SLC24A2: variants seen among roughly 807,000 people sequenced by gnomAD.
The protein encoded by SLC24A2 is solute carrier family 24 member 2, also known as sodium/potassium/calcium exchanger 2.
In SLC24A2, 36 loss-of-function variants were observed where a neutral mutation model predicts 62.0. The observed-to-expected ratio is 0.58, with a 90% CI of 0.44 to 0.77. The LOEUF (loss-of-function observed/expected upper bound fraction) is 0.77, where lower values mean the gene tolerates loss of function less well. Ranked by LOEUF, SLC24A2 falls within the 30% of genes least tolerant of loss-of-function variation. The pLI, the probability that SLC24A2 is intolerant of heterozygous loss-of-function variation, is 0.00. For missense variants in SLC24A2, 846 were observed against 817.9 expected, an observed-to-expected ratio of 1.03 and a Z score of -0.42; for synonymous variants, 358 against 294.0, an observed-to-expected ratio of 1.22 and a Z score of -2.23.
At chr9:20,005,532 T>G in the SLC24A2 span, among the ~76,000 whole-genome samples, 6 of 151,946 alleles carry the variant, frequency 3.9e-5, no homozygotes, top group African/African-American at 1.4e-4. Context: ...GTTACTACAT[T>G]GCTGAGCAAA....
the SLC24A2 span, among the ~76,000 whole-genome samples, chr9:19,938,788 G>GA: frequency 6.6e-6 from 1 of 152,060 alleles, no homozygotes; most frequent in Non-Finnish European, 1.5e-5. Flanking sequence ...CAAGTTTCCA[G>GA]AAAAAAAGTT....
At chr9:19,548,346 G>C (rs1834683226) in intron 8 of SLC24A2, among the ~76,000 whole-genome samples, 2 of 152,108 alleles carry the variant, frequency 1.3e-5, no homozygotes, top group Admixed American at 6.5e-5. Flanking sequence ...ACATAGACCT[G>C]GGTCTGGATC....
the SLC24A2 span, among the ~76,000 whole-genome samples, chr9:20,176,781 T>C: frequency 2.6e-5 from 4 of 152,124 alleles, no homozygotes; most frequent in African/African-American, 9.7e-5. Context: ...TGTATTGAAA[T>C]GTAAAGATAC....
At chr9:20,189,648 A>C in the SLC24A2 span, among the ~76,000 whole-genome samples, 1 of 152,204 alleles carries the variant, frequency 6.6e-6, no homozygotes, top group Non-Finnish European at 1.5e-5. Context: ...TTTGAATTTC[A>C]CATGGCATGA....
chr9:19,715,653 G>A lies in SLC24A2; in HGVS notation c.930+70284C>T, dbSNP rs75725088. Among the ~76,000 whole-genome samples the A allele has an allele frequency of 4.3e-3, 656 of 152,270 alleles. 4 individuals are homozygous for A. The highest frequency in any genetic ancestry group is 0.015 in the African/African-American group (627 of 41,554). On this transcript the variant is annotated intron_variant, in intron 2 of 10. Transcript: ENST00000341998. ...CCCAGGTACAGTCCACAAATAAGCTGGCAAATGTGACCAAGGCACACCATT... is the reference window on the plus strand; with the variant it reads ...CCCAGGTACAGTCCACAAATAAGCTAGCAAATGTGACCAAGGCACACCATT...
chr9:20,244,609 A>T, the SLC24A2 span, among the ~76,000 whole-genome samples: 1 of 152,232 alleles, frequency 6.6e-6, no homozygotes, highest in East Asian at 1.9e-4. Flanking sequence ...TCAAAGCTAA[A>T]TGGAAGTTTG....
At chr9:20,039,666 CT>C in the SLC24A2 span, among the ~76,000 whole-genome samples, 1 of 152,026 alleles carries the variant, frequency 6.6e-6, no homozygotes, top group South Asian at 2.1e-4. Context: ...TTGGAGCCCA[CT>C]GCTGGAAACT....
At chr9:19,761,992 T>C (rs1822348063) in intron 2 of SLC24A2, among the ~76,000 whole-genome samples, 1 of 152,194 alleles carries the variant, frequency 6.6e-6, no homozygotes, top group African/African-American at 2.4e-5. Context: ...TTTGGGTATA[T>C]ACCCAGTAAT....
chr9:20,273,380 AG>A, the SLC24A2 span, among the ~76,000 whole-genome samples: 1 of 152,216 alleles, frequency 6.6e-6, no homozygotes, highest in Non-Finnish European at 1.5e-5. Flanking sequence ...CTTAACAAAA[AG>A]CATCCAAAGT....
At chr9:20,216,742 A>C in the SLC24A2 span, among the ~76,000 whole-genome samples, 1 of 152,180 alleles carries the variant, frequency 6.6e-6, no homozygotes, top group Non-Finnish European at 1.5e-5. Context: ...ATGCTTCTCA[A>C]TGAATGTTTT....
chr9:19,634,629 G>C (rs1049322135), intron 2 of SLC24A2, among the ~76,000 whole-genome samples: 1 of 152,054 alleles, frequency 6.6e-6, no homozygotes, highest in Admixed American at 6.6e-5. Flanking sequence ...CTGCTCTAAG[G>C]CATATCTCTT....
At chr9:19,950,494 T>G in the SLC24A2 span, among the ~76,000 whole-genome samples, 1 of 152,132 alleles carries the variant, frequency 6.6e-6, no homozygotes, top group Non-Finnish European at 1.5e-5. Context: ...ATAATAGGTC[T>G]GGGTGAAGAT....
the SLC24A2 span, among the ~76,000 whole-genome samples, chr9:19,969,623 T>A: frequency 6.6e-6 from 1 of 152,180 alleles, no homozygotes; most frequent in Non-Finnish European, 1.5e-5. Context: ...GGATAGGCAA[T>A]GCCTGTGAGG....
At position 19,658,905 on chromosome 9, in the gene SLC24A2, C is replaced by T. The variant is rs1386200621; in HGVS notation, c.931-36606G>A. 5.3e-5 allele frequency among the ~76,000 whole-genome samples: 8 copies of T among 152,332 alleles called. No homozygotes were observed. The East Asian group carries it at 7.7e-4, about 15-fold the overall frequency. On this transcript the variant is annotated intron_variant, in intron 2 of 10. Coordinates refer to ENST00000341998, the MANE Select transcript of SLC24A2 (RefSeq NM_020344.4). ...TATCAGAGGGTTCCAGTTTCCCTCT[C>T]TCCCTTGAACCTTCACGCAACGAAC... is the stretch of plus-strand genomic sequence containing the variant.
the SLC24A2 span, among the ~76,000 whole-genome samples, chr9:19,817,179 C>A: frequency 6.6e-6 from 1 of 151,994 alleles, no homozygotes; most frequent in African/African-American, 2.4e-5. Flanking sequence ...GGAGGGGCAA[C>A]TTCACTCTTA....
At chr9:20,080,477 CA>C in the SLC24A2 span, among the ~76,000 whole-genome samples, 9 of 152,070 alleles carry the variant, frequency 5.9e-5, no homozygotes, top group Admixed American at 5.9e-4. Context: ...AAAATTAATT[CA>C]AGATGGATTA....
In SLC24A2 at chr9:19,642,671, C is replaced by CTTTTTTTTTTTTTT. The variant is rs71335440; in HGVS notation, c.931-20386_931-20373dup. 6.3e-5 allele frequency among the ~76,000 whole-genome samples: 5 copies of CTTTTTTTTTTTTTT among 79,850 alleles called. 2 individuals are homozygous for CTTTTTTTTTTTTTT. Among genetic ancestry groups the CTTTTTTTTTTTTTT allele is most frequent in the African/African-American group, 9.5e-5 (2 of 21,016 alleles). 52.4% of individuals were successfully genotyped at this position (79,850 alleles called of 152,430 possible). A position where few individuals can be genotyped will look rare whatever the true frequency, so the allele number is the denominator to read the frequency against. On this transcript the variant is annotated intron_variant, in intron 2 of 10. Transcript: ENST00000341998. The stretch of plus-strand genomic sequence containing the variant: ...AGAATGGTTTATATGAGAGCGTATT[C>CTTTTTTTTTTTTTT]TTTTTTTTTTTTTTTTTTTTTTTTT...
At chr9:20,270,233 C>T in the SLC24A2 span, among the ~76,000 whole-genome samples, 1 of 152,172 alleles carries the variant, frequency 6.6e-6, no homozygotes, top group Non-Finnish European at 1.5e-5. Flanking sequence ...TTTCCCAACA[C>T]TGCCACACTG....
the SLC24A2 span, among the ~76,000 whole-genome samples, chr9:19,952,204 C>G: frequency 1.5e-4 from 23 of 152,138 alleles, no homozygotes; most frequent in East Asian, 4.2e-3. Context: ...CATTTGTCTT[C>G]AGTAGCTTTA....
Sources: gnomAD v4.1 joint callset for allele counts (sites outside exome capture counted in the v4.1 genomes callset) on GRCh38, gnomAD v4.1.1 for gene constraint, MANE v1.5 for transcripts, NCBI Gene and HGNC (gene_info 2026-07-23, HGNC 2026-07-21) for gene names.